The following DPH6 variants were observed in gnomAD, a reference collection of about 807,000 sequenced individuals.
The protein encoded by DPH6 is diphthine--ammonia ligase.
In DPH6, 33 loss-of-function variants were observed where a neutral mutation model predicts 38.2. The observed-to-expected ratio is 0.86, with a 90% confidence interval of 0.65 to 1.15. The LOEUF is 1.15. DPH6 is among the 50% of genes most tolerant of loss of function. The pLI is 0.00. For missense variants in DPH6, 325 were observed against 320.0 expected (o/e 1.02, Z -0.12); for synonymous variants, 108 against 103.0 (o/e 1.05, Z -0.30).
chr15:35,310,392 T>C (rs1211958043), intron 3 of DPH6, among the ~76,000 whole-genome samples: 1 of 152,192 alleles, frequency 6.6e-6, no homozygotes, highest in Non-Finnish European at 1.5e-5. Flanking sequence ...CAGCCTTGCA[T>C]GCTCTGTGGC....
intron 3 of DPH6, among the ~76,000 whole-genome samples, chr15:35,485,574 C>T (rs1001726741): frequency 2.6e-5 from 4 of 152,134 alleles, no homozygotes; most frequent in Admixed American, 6.5e-5. Flanking sequence ...TTTCAATTAT[C>T]CATTGTTCTT....
the DPH6 span, among the ~76,000 whole-genome samples, chr15:35,184,536 C>T: frequency 6.6e-6 from 1 of 151,792 alleles, no homozygotes; most frequent in African/African-American, 2.4e-5. Context: ...ACAGTGAAGA[C>T]GTTGACCTAA....
intron 3 of DPH6, among the ~76,000 whole-genome samples, chr15:35,350,447 C>T (rs1009114634): frequency 9.9e-5 from 15 of 151,404 alleles, no homozygotes; most frequent in African/African-American, 3.6e-4. Flanking sequence ...TCTGCTCTAA[C>T]ATTTGTTAGT....
the DPH6 span, among the ~76,000 whole-genome samples, chr15:35,190,882 G>C: frequency 2.0e-5 from 3 of 152,122 alleles, no homozygotes; most frequent in Non-Finnish European, 4.4e-5. Context: ...TTATTTTCTT[G>C]GTTATCATTT....
chr15:35,473,970 G>A (rs945597065), intron 3 of DPH6, among the ~76,000 whole-genome samples: 11 of 149,276 alleles, frequency 7.4e-5, no homozygotes, highest in Admixed American at 2.0e-4. Context: ...GCGCGCGCGC[G>A]TGAGCTTTTG....
intron 3 of DPH6, among the ~76,000 whole-genome samples, chr15:35,255,959 CTT>C (rs2051705408): frequency 1.3e-5 from 2 of 151,954 alleles, no homozygotes; most frequent in Admixed American, 6.6e-5. Context: ...ATAAAATTGA[CTT>C]ATAAATAAAT....
chr15:35,481,472 C>CA (rs1041071808), intron 3 of DPH6, among the ~76,000 whole-genome samples: 3 of 151,736 alleles, frequency 2.0e-5, no homozygotes, highest in Middle Eastern at 3.2e-3. Flanking sequence ...TTGATTCAAA[C>CA]AAAAAAATTG....
chr15:35,382,281 A>G lies in DPH6; in HGVS notation c.568-365T>C, dbSNP rs571693662. ...AAACACCGTCTCTACTAAAAATACA[A>G]AAAAATTAGCCGGGCATGGTGGTGG... is the stretch of plus-strand genomic sequence containing the variant. On this transcript the variant is annotated intron_variant, in intron 6 of 8. Transcript: ENST00000256538. Among the ~76,000 whole-genome samples, 5 of 151,754 alleles carry G rather than the reference A, an allele frequency of 3.3e-5. No homozygotes were observed. The East Asian group carries it at 9.7e-4, about 30-fold the overall frequency.
At chr15:35,469,496 G>T (rs2054170028) in intron 3 of DPH6, among the ~76,000 whole-genome samples, 1 of 152,182 alleles carries the variant, frequency 6.6e-6, no homozygotes, top group Non-Finnish European at 1.5e-5. Flanking sequence ...ATGACAAGAA[G>T]AGGGCAGATT....
the DPH6 span, among the ~76,000 whole-genome samples, chr15:35,170,660 A>G: frequency 6.6e-6 from 1 of 152,220 alleles, no homozygotes; most frequent in Non-Finnish European, 1.5e-5. Flanking sequence ...TTTGGAATAT[A>G]ATAAAGAAGG....
downstream of DPH6, among the ~76,000 whole-genome samples, chr15:35,330,297 C>T (rs965170818): frequency 1.2e-4 from 18 of 151,990 alleles, no homozygotes; most frequent in Admixed American, 1.0e-3. Context: ...CTCATGCAGA[C>T]GCTAAGGGTG....
At chr15:35,467,607 C>T (rs2054143717) in intron 3 of DPH6, among the ~76,000 whole-genome samples, 1 of 152,092 alleles carries the variant, frequency 6.6e-6, no homozygotes, top group Admixed American at 6.6e-5. Flanking sequence ...AACTAAGACA[C>T]AAGCACATGC....
chr15:35,500,079 C>A (rs1215891431), intron 3 of DPH6, among the ~76,000 whole-genome samples: 2 of 152,152 alleles, frequency 1.3e-5, no homozygotes, highest in African/African-American at 4.8e-5. Flanking sequence ...TTACTCCTAT[C>A]ATGAATGAGG....
intron 7 of DPH6, among the ~76,000 whole-genome samples, chr15:35,376,070 C>T (rs552030814): frequency 5.3e-5 from 8 of 152,190 alleles, no homozygotes; most frequent in African/African-American, 1.2e-4. Context: ...TAGTTTTCTC[C>T]GTTATGTGCT....
chr15:35,446,978 C>T (rs1340371753), intron 5 of DPH6, among the ~76,000 whole-genome samples: 1 of 151,874 alleles, frequency 6.6e-6, no homozygotes, highest in Non-Finnish European at 1.5e-5. Flanking sequence ...ATGCCATTCT[C>T]CTGCCTCAGC....
At chr15:35,320,452 C>G (rs138597498) in intron 3 of DPH6, among the ~76,000 whole-genome samples, 7 of 152,122 alleles carry the variant, frequency 4.6e-5, no homozygotes, top group Non-Finnish European at 1.0e-4. Flanking sequence ...ATCAAAGGCT[C>G]CTTTGGGAAT....
At chr15:35,522,010 AACAGGG>A (rs2054928944) in intron 3 of DPH6, 9 of 1,513,346 alleles carry the variant, frequency 5.9e-6, no homozygotes, top group Non-Finnish European at 8.0e-6. Context: ...CAGAATGAAA[AACAGGG>A]ACAGATCAGC....
chr15:35,180,982 A>C, the DPH6 span, among the ~76,000 whole-genome samples: 1 of 152,214 alleles, frequency 6.6e-6, no homozygotes, highest in Admixed American at 6.5e-5. Context: ...CAAATAATGA[A>C]TGTAGCTGTG....
downstream of DPH6, among the ~76,000 whole-genome samples, chr15:35,368,954 A>G (rs560930067): frequency 6.6e-6 from 1 of 151,952 alleles, no homozygotes; most frequent in Admixed American, 6.6e-5. Context: ...CAGAAAATAC[A>G]TAATTCCAGA....
Sources: allele counts gnomAD v4.1 joint callset (sites outside exome capture counted in the v4.1 genomes callset), GRCh38; gene constraint gnomAD v4.1.1; transcripts MANE v1.5; gene names NCBI Gene and HGNC (gene_info 2026-07-23, HGNC 2026-07-21).